Variants in ABCB4 observed in about 807,000 individuals in gnomAD.
ABCB4 encodes phosphatidylcholine translocator ABCB4.
In ABCB4, 76 loss-of-function variants were observed where a neutral mutation model predicts 145.7. The observed-to-expected ratio is 0.52, with a 90% confidence interval of 0.43 to 0.63. The LOEUF is 0.63. ABCB4 is among the 30% of genes least tolerant of loss of function. The pLI, the probability that ABCB4 is intolerant of heterozygous loss-of-function variation, is 0.00. For synonymous variants in ABCB4, 517 were observed against 566.8 expected, an observed-to-expected ratio of 0.91 and a Z score of 1.25; for missense variants, 1,234 against 1,553.1, an observed-to-expected ratio of 0.79 and a Z score of 3.45.
At chr7:87,413,790 C>A in intron 21 of ABCB4, 73 bp from the exon 22 acceptor site, 1 of 1,063,812 alleles carries the variant, frequency 9.4e-7, no homozygotes, top group Non-Finnish European at 1.5e-6. Flanking sequence ...AGCCCTAGGG[C>A]TCTGTCAAAA....
intron 6 of ABCB4, 91 bp downstream of exon 6, chr7:87,452,853 A>G: frequency 7.2e-7 from 1 of 1,384,874 alleles, no homozygotes; most frequent in Non-Finnish European, 1.0e-6. Context: ...TGCTCAATCT[A>G]GTAACATTTT....
At chr7:87,395,015 G>T in the ABCB4 span, among the ~76,000 whole-genome samples, 1 of 152,064 alleles carries the variant, frequency 6.6e-6, no homozygotes, top group Admixed American at 6.6e-5. Context: ...AAGGACATTT[G>T]TTAGTAAGGA....
Position 87,417,117 on chromosome 7 carries a change from C to T in ABCB4, c.2682+195G>A, listed in dbSNP as rs112790039. Among the ~76,000 whole-genome samples, 56 of 152,150 alleles carry T rather than the reference C, an allele frequency of 3.7e-4. 2 individuals are homozygous for T. Among genetic ancestry groups the T allele is most frequent in the African/African-American group, 1.1e-3 (44 of 41,442 alleles). ...TGTTAAGTGCTTTCTATAGGCTCAA[C>T]GTTTTATGTTAATCACCTTATATTT... On this transcript the variant is annotated intron_variant, in intron 21 of 27. Coordinates refer to ENST00000649586, the MANE Select transcript of ABCB4 (RefSeq NM_000443.4).
the ABCB4 span, among the ~76,000 whole-genome samples, chr7:87,368,099 C>T: frequency 7.6e-3 from 1,156 of 152,304 alleles, 13 homozygotes; most frequent in African/African-American, 0.025. Context: ...GCCGCAGCTG[C>T]ACTGACCTTG....
chr7:87,475,491 TC>T lies in ABCB4; in HGVS notation c.-6-21del. The T allele has an allele frequency of 6.2e-7, 1 of 1,613,718 alleles. No individual in the cohort carries two copies. The highest frequency in any genetic ancestry group is 8.5e-7 in the Non-Finnish European group (1 of 1,179,754). On this transcript the variant is annotated intron_variant, in intron 1 of 27. Coordinates refer to ENST00000649586, the MANE Select transcript of ABCB4 (RefSeq NM_000443.4). ...CTCAGCCTGAGGAGAAACCACAGCC[TC>T]AGAACCAAGTACACCCTCTCCGGCG... is the stretch of plus-strand genomic sequence containing the variant.
Position 87,402,018 on chromosome 7 carries a change from AC to A in ABCB4, c.*77del. 1 of 1,565,108 alleles carries A rather than the reference AC, an allele frequency of 6.4e-7. No homozygotes were observed. The highest frequency in any genetic ancestry group is 1.7e-4 in the Middle Eastern group (1 of 5,988). ...ACATACCTATGTTTTATGATGACAA[AC>A]CAGAAACTTATTTTACAAGTCAGAT... On this transcript the variant is annotated 3_prime_UTR_variant, in exon 28 of 28. Coordinates refer to ENST00000649586, the MANE Select transcript of ABCB4 (RefSeq NM_000443.4).
chr7:87,374,608 C>G, the ABCB4 span, among the ~76,000 whole-genome samples: 394 of 152,086 alleles, frequency 2.6e-3, 1 homozygote, highest in African/African-American at 8.9e-3. Flanking sequence ...AGAGGCAAAG[C>G]AAGTTGCTCT....
intron 15 of ABCB4, among the ~76,000 whole-genome samples, chr7:87,429,414 C>G (rs1810051111): frequency 6.6e-6 from 1 of 152,204 alleles, no homozygotes; most frequent in Admixed American, 6.5e-5. Flanking sequence ...AGACCACTGA[C>G]TGTTCAGTCT....
chr7:87,475,769 AC>A, upstream of ABCB4: 1 of 277,460 alleles, frequency 3.6e-6, no homozygotes, highest in Non-Finnish European at 6.5e-6. Context: ...GGAAACGCCT[AC>A]CGTTGCAGCC....
intron 24 of ABCB4, 27 bp downstream of exon 24, chr7:87,409,209 A>C (rs924579201): frequency 1.2e-6 from 2 of 1,613,760 alleles, no homozygotes; most frequent in African/African-American, 2.7e-5. Flanking sequence ...AAATTGATCA[A>C]GCATCATCAG....
chr7:87,388,419 A>C, the ABCB4 span, among the ~76,000 whole-genome samples: 1 of 152,226 alleles, frequency 6.6e-6, no homozygotes, highest in Non-Finnish European at 1.5e-5. Flanking sequence ...TACTGGTACC[A>C]ACACAGATAT....
At chr7:87,475,610 C>A in intron 1 of ABCB4, 24 bp downstream of exon 1, 1 of 806,790 alleles carries the variant, frequency 1.2e-6, no homozygotes, top group South Asian at 1.5e-5. Context: ...CCTTCGAGGC[C>A]AGACGCGCCC....
intron 16 of ABCB4, among the ~76,000 whole-genome samples, chr7:87,425,206 C>T (rs1179752620): frequency 2.6e-5 from 4 of 152,122 alleles, no homozygotes; most frequent in Non-Finnish European, 5.9e-5. Flanking sequence ...TATGATGGTA[C>T]TTGGGACAAT....
At chr7:87,465,248 G>A (rs1300385320) in intron 3 of ABCB4, among the ~76,000 whole-genome samples, 1 of 152,216 alleles carries the variant, frequency 6.6e-6, no homozygotes, top group African/African-American at 2.4e-5. Context: ...TGGCTCAGAG[G>A]GTCCCACACC....
At chr7:87,440,142 C>T (rs1383069333) in intron 13 of ABCB4, 57 bp downstream of exon 13, 1 of 1,547,922 alleles carries the variant, frequency 6.5e-7, no homozygotes, top group African/African-American at 1.4e-5. Context: ...AGAATAAACT[C>T]AGTCCTATGA....
the ABCB4 span, among the ~76,000 whole-genome samples, chr7:87,374,965 T>G: frequency 0.88 from 133,360 of 151,938 alleles, 58,713 homozygotes; most frequent in Middle Eastern, 0.94. Flanking sequence ...TTGACTGATG[T>G]AAATTTCTTT....
At chr7:87,412,648 C>T (rs1584685890) in intron 22 of ABCB4, among the ~76,000 whole-genome samples, 1 of 152,274 alleles carries the variant, frequency 6.6e-6, no homozygotes, top group Non-Finnish European at 1.5e-5. Flanking sequence ...TTGAGTTACT[C>T]TCAAATATGA....
chr7:87,467,384 G>T (rs1385567718), intron 3 of ABCB4, among the ~76,000 whole-genome samples: 1 of 152,122 alleles, frequency 6.6e-6, no homozygotes, highest in Non-Finnish European at 1.5e-5. Context: ...CAATACAGGA[G>T]CACCAAGATT....
chr7:87,442,703 A>G (rs1489055089), intron 12 of ABCB4, among the ~76,000 whole-genome samples: 2 of 152,186 alleles, frequency 1.3e-5, no homozygotes, highest in Non-Finnish European at 2.9e-5. Context: ...GTGGGTCAAA[A>G]TATAAACAAT....
Sources: allele counts gnomAD v4.1 joint callset (sites outside exome capture counted in the v4.1 genomes callset), GRCh38; gene constraint gnomAD v4.1.1; transcripts MANE v1.5; gene names NCBI Gene and HGNC (gene_info 2026-07-23, HGNC 2026-07-21).